CEP112: variants seen among roughly 807,000 people sequenced by gnomAD.
CEP112 encodes the protein centrosomal protein of 112 kDa.
In CEP112, 127 loss-of-function variants were observed where a neutral mutation model predicts 153.0. The observed-to-expected ratio is 0.83, with a 90% CI of 0.72 to 0.96. CEP112 has a LOEUF of 0.96. Ranked by LOEUF, CEP112 falls within the 40% of genes least tolerant of loss-of-function variation. The pLI, the probability that CEP112 is intolerant of heterozygous loss-of-function variation, is 0.00. For missense variants in CEP112, 1,089 were observed against 1,101.2 expected, an observed-to-expected ratio of 0.99 and a Z score of 0.16; for synonymous variants, 358 against 374.4, an observed-to-expected ratio of 0.96 and a Z score of 0.51.
intron 24 of CEP112, among the ~76,000 whole-genome samples, chr17:65,671,176 G>C (rs775540154): frequency 1.3e-4 from 20 of 152,078 alleles, no homozygotes; most frequent in Admixed American, 5.2e-4. Context: ...GGTGGCAAAA[G>C]GGAAAACAGT....
intron 10 of CEP112, 38 bp downstream of exon 10, chr17:66,066,740 A>G: frequency 1.5e-6 from 2 of 1,299,396 alleles, no homozygotes; most frequent in South Asian, 1.6e-5. Context: ...ATAAAATGGA[A>G]ATGTTATTAA....
At chr17:65,730,736 C>T (rs1261990811) in intron 23 of CEP112, among the ~76,000 whole-genome samples, 1 of 151,692 alleles carries the variant, frequency 6.6e-6, no homozygotes, top group Non-Finnish European at 1.5e-5. Context: ...GTAAGAATTG[C>T]CCAATCTTAT....
intron 20 of CEP112, among the ~76,000 whole-genome samples, chr17:65,882,026 C>G (rs2059096335): frequency 6.6e-6 from 1 of 152,146 alleles, no homozygotes; most frequent in African/African-American, 2.4e-5. Flanking sequence ...GTAGCCTCCA[C>G]AGGGAGAAAT....
At chr17:65,839,565 T>G (rs149468529) in intron 21 of CEP112, among the ~76,000 whole-genome samples, 1 of 152,016 alleles carries the variant, frequency 6.6e-6, no homozygotes, top group Admixed American at 6.5e-5. Flanking sequence ...AACATCATAG[T>G]GAAAAGGGAA....
At chr17:65,796,072 C>G (rs975101025) in intron 21 of CEP112, among the ~76,000 whole-genome samples, 2 of 152,082 alleles carry the variant, frequency 1.3e-5, no homozygotes, top group Admixed American at 6.5e-5. Context: ...AAGCCTTTGC[C>G]ACTTGTTCCA....
intron 24 of CEP112, among the ~76,000 whole-genome samples, chr17:65,652,413 T>C (rs1006661077): frequency 6.6e-6 from 1 of 152,148 alleles, no homozygotes; most frequent in South Asian, 2.1e-4. Flanking sequence ...TTTTATAAGT[T>C]GCACATAATA....
At chr17:65,815,730 A>G (rs2056228656) in intron 21 of CEP112, among the ~76,000 whole-genome samples, 1 of 152,134 alleles carries the variant, frequency 6.6e-6, no homozygotes, top group Non-Finnish European at 1.5e-5. Flanking sequence ...TTAAACAAGT[A>G]TTTCATATTT....
Position 66,039,159 on chromosome 17 carries a change from T to C in CEP112, c.1219-9136A>G, listed in dbSNP as rs563151910. 5.9e-5 allele frequency among the ~76,000 whole-genome samples: 9 copies of C among 152,274 alleles called. No homozygotes were observed. The South Asian group carries it at 1.9e-3, about 32-fold the overall frequency. ...AGGAAATTTGGGAAAGGGTATTATT[T>C]TGGTATTAATTATCATAGGTTTGAT... On this transcript the variant is annotated intron_variant, in intron 12 of 26. Coordinates refer to ENST00000535342, the MANE Select transcript of CEP112 (RefSeq NM_001199165.4).
At chr17:65,871,654 T>A (rs1174197482) in intron 20 of CEP112, among the ~76,000 whole-genome samples, 1 of 152,040 alleles carries the variant, frequency 6.6e-6, no homozygotes, top group Non-Finnish European at 1.5e-5. Context: ...ATTAATTAAT[T>A]AAATTAAATA....
In CEP112 at chr17:66,000,572, G is replaced by A. The variant is rs9916522; in HGVS notation, c.1736+5118C>T. Among the ~76,000 whole-genome samples, 390 of 151,546 alleles carry A rather than the reference G, an allele frequency of 2.6e-3. 2 individuals are homozygous for A. The highest frequency in any genetic ancestry group is 8.9e-3 in the African/African-American group (368 of 41,318). ...CACTGGTACAACACAAACTTCTCCC[G>A]TAGATGGAACTAGTCTAGCGTCCAA... On this transcript the variant is annotated intron_variant, in intron 17 of 26. Transcript: ENST00000535342.
intron 17 of CEP112, among the ~76,000 whole-genome samples, chr17:65,989,246 AAAAAAG>A (rs58773550): frequency 0.32 from 22,249 of 68,970 alleles, 2,576 homozygotes; most frequent in African/African-American, 0.51. Flanking sequence ...AAAAAAAAAA[AAAAAAG>A]AAAGAAAGAA....
intron 6 of CEP112, among the ~76,000 whole-genome samples, chr17:66,125,757 G>A (rs1414183804): frequency 2.0e-5 from 3 of 151,000 alleles, no homozygotes; most frequent in African/African-American, 7.3e-5. Context: ...AAAAAAAGAA[G>A]AGAAAAAGAA....
intron 23 of CEP112, among the ~76,000 whole-genome samples, chr17:65,713,830 C>T (rs1235214742): frequency 6.6e-6 from 1 of 152,076 alleles, no homozygotes; most frequent in African/African-American, 2.4e-5. Context: ...CCTCGTGATC[C>T]GCCCGCCTCG....
At chr17:66,042,609 T>C (rs1034046790) in intron 12 of CEP112, among the ~76,000 whole-genome samples, 1 of 152,058 alleles carries the variant, frequency 6.6e-6, no homozygotes, top group Non-Finnish European at 1.5e-5. Context: ...GCCTAACAAC[T>C]AAATGTCATG....
intron 19 of CEP112, among the ~76,000 whole-genome samples, chr17:65,914,581 G>A (rs1023733078): frequency 3.9e-5 from 6 of 152,082 alleles, no homozygotes; most frequent in South Asian, 2.1e-4. Flanking sequence ...TGGCTTGAAC[G>A]CATGGCTGGC....
At chr17:65,835,464 C>T (rs2057269486) in intron 21 of CEP112, among the ~76,000 whole-genome samples, 1 of 152,102 alleles carries the variant, frequency 6.6e-6, no homozygotes, top group African/African-American at 2.4e-5. Flanking sequence ...AGAGAAAAGA[C>T]ACATATCATA....
intron 18 of CEP112, among the ~76,000 whole-genome samples, chr17:65,932,931 A>T (rs893565269): frequency 3.3e-5 from 5 of 152,346 alleles, no homozygotes; most frequent in Admixed American, 3.3e-4. Context: ...ATGGATAGAA[A>T]AGTAAATAAA....
At chr17:66,074,071 A>T (rs1465405034) in intron 8 of CEP112, among the ~76,000 whole-genome samples, 1 of 152,162 alleles carries the variant, frequency 6.6e-6, no homozygotes, top group Non-Finnish European at 1.5e-5. Context: ...CTAAAGGAAA[A>T]CATATTCAAA....
At chr17:65,874,377 T>C (rs1251575925) in intron 20 of CEP112, among the ~76,000 whole-genome samples, 1 of 152,172 alleles carries the variant, frequency 6.6e-6, no homozygotes, top group Non-Finnish European at 1.5e-5. Flanking sequence ...CTTTCTTAAA[T>C]TTTTAACAAA....
Sources: gnomAD v4.1 joint callset for allele counts (sites outside exome capture counted in the v4.1 genomes callset) on GRCh38, gnomAD v4.1.1 for gene constraint, MANE v1.5 for transcripts, NCBI Gene and HGNC (gene_info 2026-07-23, HGNC 2026-07-21) for gene names.